The following PDE10A variants were observed in gnomAD, a reference collection of about 807,000 sequenced individuals.
The protein encoded by PDE10A is cAMP and cAMP-inhibited cGMP 3',5'-cyclic phosphodiesterase 10A.
In PDE10A, 39 loss-of-function variants were observed where a neutral mutation model predicts 97.7. The observed-to-expected ratio is 0.40, with a 90% CI of 0.31 to 0.52. PDE10A has a LOEUF of 0.52. Ranked by LOEUF, PDE10A falls within the 20% of genes least tolerant of loss-of-function variation. The pLI, the probability that PDE10A is intolerant of heterozygous loss-of-function variation, is 0.56. For synonymous variants in PDE10A, 371 were observed against 376.8 expected, an observed-to-expected ratio of 0.98 and a Z score of 0.18; for missense variants, 731 against 1,047.8, an observed-to-expected ratio of 0.70 and a Z score of 4.17.
intron 1 of PDE10A, among the ~76,000 whole-genome samples, chr6:165,737,653 T>C (rs149297121): frequency 4.9e-4 from 74 of 152,262 alleles, no homozygotes; most frequent in Non-Finnish European, 9.1e-4. Flanking sequence ...CAAGGTGGTA[T>C]AGAAGAAATG....
intron 1 of PDE10A, among the ~76,000 whole-genome samples, chr6:165,554,541 G>C (rs1262921936): frequency 2.0e-5 from 3 of 152,240 alleles, no homozygotes; most frequent in Middle Eastern, 3.4e-3. Flanking sequence ...GTAGAGAAAA[G>C]GGAACCTTTG....
intron 1 of PDE10A, among the ~76,000 whole-genome samples, chr6:165,722,253 G>C (rs183206536): frequency 8.5e-5 from 13 of 152,302 alleles, no homozygotes; most frequent in Middle Eastern, 3.4e-3. Flanking sequence ...ATTATCTGTG[G>C]AGCACAGAAG....
intron 3 of PDE10A, among the ~76,000 whole-genome samples, chr6:165,474,686 A>T (rs1174007008): frequency 6.6e-6 from 1 of 152,092 alleles, no homozygotes; most frequent in Non-Finnish European, 1.5e-5. Flanking sequence ...AGAAAAAAAA[A>T]TCCATTTTAC....
intron 1 of PDE10A, among the ~76,000 whole-genome samples, chr6:165,718,648 T>C (rs999480636): frequency 6.7e-6 from 1 of 150,276 alleles, no homozygotes; most frequent in African/African-American, 2.4e-5. Context: ...CCCCACCTTT[T>C]CCCCCCGGAC....
chr6:165,832,500 G>T (rs963676185), intron 1 of PDE10A, among the ~76,000 whole-genome samples: 1 of 152,128 alleles, frequency 6.6e-6, no homozygotes, highest in Non-Finnish European at 1.5e-5. Context: ...ATTTTAGACA[G>T]AATGGAAGCA....
At chr6:165,385,776 G>A (rs562199428) in intron 17 of PDE10A, among the ~76,000 whole-genome samples, 151 of 152,316 alleles carry the variant, frequency 9.9e-4, no homozygotes, top group African/African-American at 3.5e-3. Flanking sequence ...AGATTGGGTT[G>A]TCTGTTTATG....
intron 1 of PDE10A, among the ~76,000 whole-genome samples, chr6:165,645,134 C>T (rs185135685): frequency 6.6e-6 from 1 of 152,176 alleles, no homozygotes; most frequent in Non-Finnish European, 1.5e-5. Flanking sequence ...AGGCGCACAT[C>T]TGAGCCTTGC....
intron 1 of PDE10A, among the ~76,000 whole-genome samples, chr6:165,782,970 T>C (rs9348044): frequency 0.73 from 111,736 of 152,090 alleles, 41,762 homozygotes; most frequent in Middle Eastern, 0.86. Context: ...CACATGACCA[T>C]GGCTTCCTAA....
At position 165,711,207 on chromosome 6, in the gene PDE10A, G is replaced by A. The variant is rs1056936464; in HGVS notation, c.-614-167639C>T. ...AGCAGTAAGTTCTACTAAATACACC[G>A]TTAGAGTTGGGAGCAGGGCTCTTCT... is the stretch of plus-strand genomic sequence containing the variant. On this transcript the variant is annotated intron_variant, in intron 1 of 19. Coordinates refer to the PDE10A transcript ENST00000366882. The surrounding 1 kb of genome is among the most constrained non-coding windows in gnomAD (Gnocchi z 4.5). Among the ~76,000 whole-genome samples the A allele has an allele frequency of 8.5e-5, 13 of 152,220 alleles. No homozygotes were observed. The highest frequency in any genetic ancestry group is 4.6e-4 in the Admixed American group (7 of 15,284).
chr6:165,922,104 A>C (rs1168529326), intron 1 of PDE10A, among the ~76,000 whole-genome samples: 1 of 152,226 alleles, frequency 6.6e-6, no homozygotes, highest in African/African-American at 2.4e-5. Flanking sequence ...CAGATATTGC[A>C]TGTGAGAGAA....
chr6:165,588,281 C>CTTTTTTTTT (rs1216263426), intron 1 of PDE10A, among the ~76,000 whole-genome samples: 3 of 37,066 alleles, frequency 8.1e-5, no homozygotes, highest in East Asian at 6.2e-4. Flanking sequence ...ATTTTTTTTT[C>CTTTTTTTTT]TTTTTTTTTT....
At chr6:165,840,660 G>A (rs1315912741) in intron 1 of PDE10A, among the ~76,000 whole-genome samples, 1 of 152,176 alleles carries the variant, frequency 6.6e-6, no homozygotes, top group African/African-American at 2.4e-5. Context: ...CTAGCATACT[G>A]TAGGACACAG....
chr6:165,848,259 G>C (rs9459515), intron 1 of PDE10A, among the ~76,000 whole-genome samples: 84,515 of 152,016 alleles, frequency 0.56, 23,909 homozygotes, highest in Admixed American at 0.66. Flanking sequence ...CCAGGATGGC[G>C]AGCAACATGG....
chr6:165,565,487 AG>A (rs1784730857), intron 1 of PDE10A, among the ~76,000 whole-genome samples: 1 of 152,220 alleles, frequency 6.6e-6, no homozygotes, highest in South Asian at 2.1e-4. Flanking sequence ...GTTAATGGAT[AG>A]GAAGACTCAA....
intron 18 of PDE10A, among the ~76,000 whole-genome samples, chr6:165,348,607 C>T (rs1459743844): frequency 6.6e-6 from 1 of 152,188 alleles, no homozygotes; most frequent in East Asian, 1.9e-4. Flanking sequence ...GGTGGCCCTG[C>T]ATTACGTTTC....
At chr6:165,529,702 T>C (rs891047858) in intron 2 of PDE10A, among the ~76,000 whole-genome samples, 1 of 152,240 alleles carries the variant, frequency 6.6e-6, no homozygotes, top group African/African-American at 2.4e-5. Context: ...CATATCGGCA[T>C]TGAAGTATTG....
intron 1 of PDE10A, among the ~76,000 whole-genome samples, chr6:165,699,491 C>T (rs1254139027): frequency 6.6e-6 from 1 of 152,146 alleles, no homozygotes; most frequent in Non-Finnish European, 1.5e-5. Flanking sequence ...CGTAAACAAA[C>T]TGGACCTAAC....
intron 13 of PDE10A, among the ~76,000 whole-genome samples, chr6:165,404,627 A>G (rs2128222346): frequency 6.6e-6 from 1 of 152,278 alleles, no homozygotes; most frequent in South Asian, 2.1e-4. Context: ...CACAAGGGAG[A>G]TAATTTGAGA....
chr6:165,337,142 T>C (rs1781700929), intron 20 of PDE10A, among the ~76,000 whole-genome samples: 1 of 152,138 alleles, frequency 6.6e-6, no homozygotes, highest in Non-Finnish European at 1.5e-5. Context: ...ATCTGTAGTA[T>C]TTTAAATAAT....
Sources: gnomAD v4.1 joint callset for allele counts (sites outside exome capture counted in the v4.1 genomes callset) on GRCh38, gnomAD v4.1.1 for gene constraint, Gnocchi (gnomAD v3.1) non-coding constraint, MANE v1.5 for transcripts, NCBI Gene and HGNC (gene_info 2026-07-23, HGNC 2026-07-21) for gene names.